Variants in PCDH7 observed in about 807,000 individuals in gnomAD.
PCDH7 encodes protocadherin 7.
Under a neutral mutation model 58.9 loss-of-function variants are expected in PCDH7, and 17 were observed. The ratio of observed to expected loss-of-function variants is 0.29; its 90% CI spans 0.20 to 0.43. The LOEUF is 0.43. Ranked by LOEUF, PCDH7 falls within the 20% of genes least tolerant of loss-of-function variation. PCDH7 has a pLI of 1.00. For missense variants in PCDH7, 1,274 were observed against 1,441.0 expected, an observed-to-expected ratio of 0.88 and a Z score of 1.88; for synonymous variants, 664 against 616.4, an observed-to-expected ratio of 1.08 and a Z score of -1.14.
chr4:30,938,860 C>T (rs927029407), intron 2 of PCDH7, among the ~76,000 whole-genome samples: 1 of 152,080 alleles, frequency 6.6e-6, no homozygotes, highest in Non-Finnish European at 1.5e-5. Context: ...CAGAGAAACC[C>T]TGTAAGGTGA....
chr4:30,804,901 A>G (rs550738253), intron 1 of PCDH7, among the ~76,000 whole-genome samples: 38 of 152,252 alleles, frequency 2.5e-4, no homozygotes, highest in African/African-American at 8.9e-4. Flanking sequence ...GTCGTTCTCT[A>G]TTAGTCACAT....
At chr4:30,775,629 C>T (rs567819809) in intron 1 of PCDH7, among the ~76,000 whole-genome samples, 15 of 152,126 alleles carry the variant, frequency 9.9e-5, no homozygotes, top group East Asian at 3.9e-4. Flanking sequence ...AGTTATAGGA[C>T]GGGCATGGTG....
intron 3 of PCDH7, among the ~76,000 whole-genome samples, chr4:31,079,351 T>TATATATATATATATATAGATAG (rs1759302779): frequency 1.2e-5 from 1 of 83,504 alleles, no homozygotes; most frequent in Non-Finnish European, 2.3e-5. Context: ...TATATATATA[T>TATATATATATATATATAGATAG]ATATATATAT....
chr4:30,977,914 G>T (rs1245376311), intron 3 of PCDH7, among the ~76,000 whole-genome samples: 1 of 152,168 alleles, frequency 6.6e-6, no homozygotes, highest in African/African-American at 2.4e-5. Flanking sequence ...AAAATAACGT[G>T]GTGGAGAGCG....
intron 1 of PCDH7, 68 bp downstream of exon 1, chr4:30,724,664 C>A: frequency 2.0e-6 from 3 of 1,521,790 alleles, no homozygotes; most frequent in East Asian, 2.3e-5. Flanking sequence ...AGATTATCTT[C>A]TGTAAAGTTT....
chr4:31,143,137 G>GAAAAAA (rs11424149), downstream of PCDH7: 9 of 155,046 alleles, frequency 5.8e-5, no homozygotes, highest in East Asian at 1.8e-4. Context: ...AAAAAGAAAA[G>GAAAAAA]AAAAAAAAAG....
chr4:30,735,750 C>T (rs1432864955), downstream of PCDH7, among the ~76,000 whole-genome samples: 2 of 152,098 alleles, frequency 1.3e-5, no homozygotes, highest in African/African-American at 4.8e-5. Context: ...ATTCTATCAG[C>T]GAAGGATGTT....
At chr4:31,059,568 C>T (rs150642891) in intron 3 of PCDH7, among the ~76,000 whole-genome samples, 1 of 151,840 alleles carries the variant, frequency 6.6e-6, no homozygotes, top group African/African-American at 2.4e-5. Context: ...AAAATGATAA[C>T]AAGTTAAACT....
intron 2 of PCDH7, among the ~76,000 whole-genome samples, chr4:30,933,426 A>C (rs1744933898): frequency 6.6e-6 from 1 of 152,102 alleles, no homozygotes; most frequent in South Asian, 2.1e-4. Context: ...CCCTAGATTC[A>C]GTGCTTCTTT....
chr4:30,851,132 G>A (rs1219483972), intron 1 of PCDH7, among the ~76,000 whole-genome samples: 2 of 151,928 alleles, frequency 1.3e-5, no homozygotes, highest in South Asian at 4.2e-4. Context: ...GAAGCTGAGA[G>A]GCTCAGAAAG....
intron 3 of PCDH7, among the ~76,000 whole-genome samples, chr4:31,015,523 G>A (rs977785658): frequency 1.1e-4 from 17 of 152,068 alleles, no homozygotes; most frequent in African/African-American, 3.1e-4. Flanking sequence ...TTTTACAAGC[G>A]TGACACGTCA....
At chr4:31,046,357 A>G (rs1478141995) in intron 3 of PCDH7, among the ~76,000 whole-genome samples, 2 of 152,002 alleles carry the variant, frequency 1.3e-5, no homozygotes, top group African/African-American at 2.4e-5. Context: ...CAGTTAGACT[A>G]TGTGATATGG....
chr4:31,116,795 C>G lies in PCDH7; in HGVS notation c.*8-25678C>G, dbSNP rs895412045. On this transcript the variant is annotated intron_variant, in intron 3 of 3. Transcript: ENST00000509759. The stretch of plus-strand genomic sequence containing the variant: ...CCATAAATAACATATTGTATATTAT[C>G]TAACATTCAAACTGAATATTTGTGG... Among the ~76,000 whole-genome samples, 3 of 152,072 alleles carry G rather than the reference C, an allele frequency of 2.0e-5. No individual in the cohort carries two copies. The East Asian group carries it at 5.8e-4, about 29-fold the overall frequency.
Position 30,722,583 on chromosome 4 carries a change from C to A in PCDH7, c.1161C>A (p.Ala387=). Reference sequence around the variant, plus strand: ...ACCAGCTGCGCTTCACGGTCATGGCCCGCGACCGCGGGCAGCCCCCCAAGA... The same window carrying A: ...ACCAGCTGCGCTTCACGGTCATGGCACGCGACCGCGGGCAGCCCCCCAAGA... Residue 387 remains alanine, a synonymous_variant, in exon 1 of 2, where the codon GCC becomes GCA. Transcript: ENST00000361762. This position sits in a 1 kb window ranked among gnomAD's most constrained non-coding sequence, Gnocchi z 7.6. The A allele has an allele frequency of 2.5e-6, 4 of 1,612,972 alleles. No individual in the cohort carries two copies. Among genetic ancestry groups the A allele is most frequent in the Non-Finnish European group, 3.4e-6 (4 of 1,180,016 alleles).
chr4:31,032,028 T>G (rs1347664911), intron 3 of PCDH7, among the ~76,000 whole-genome samples: 2 of 152,236 alleles, frequency 1.3e-5, no homozygotes, highest in Non-Finnish European at 2.9e-5. Context: ...TAGAGCTACT[T>G]ATTTTATTTT....
chr4:30,811,737 T>G (rs1727043885), intron 1 of PCDH7, among the ~76,000 whole-genome samples: 1 of 152,188 alleles, frequency 6.6e-6, no homozygotes, highest in East Asian at 1.9e-4. Flanking sequence ...TAATCTGTAG[T>G]GTTTTTAGTG....
At chr4:31,053,441 A>G (rs2109224421) in intron 3 of PCDH7, among the ~76,000 whole-genome samples, 1 of 152,246 alleles carries the variant, frequency 6.6e-6, no homozygotes, top group East Asian at 1.9e-4. Context: ...ACGTCCATCA[A>G]AACTCAGTTT....
At chr4:31,002,953 A>G (rs1038812443) in intron 3 of PCDH7, among the ~76,000 whole-genome samples, 9 of 152,184 alleles carry the variant, frequency 5.9e-5, no homozygotes, top group Non-Finnish European at 1.0e-4. Flanking sequence ...TAATTAGCCT[A>G]AACTTTAGCT....
chr4:30,873,047 AG>A (rs1252684438), intron 1 of PCDH7, among the ~76,000 whole-genome samples: 1 of 152,120 alleles, frequency 6.6e-6, no homozygotes, highest in Non-Finnish European at 1.5e-5. Flanking sequence ...TATGTCAAAG[AG>A]TGAACTAAAT....
Sources: allele counts gnomAD v4.1 joint callset (sites outside exome capture counted in the v4.1 genomes callset), GRCh38; gene constraint gnomAD v4.1.1; non-coding constraint Gnocchi (gnomAD v3.1); transcripts MANE v1.5; gene names NCBI Gene and HGNC (gene_info 2026-07-23, HGNC 2026-07-21).